The following PHAX variants were observed in gnomAD, a reference collection of about 807,000 sequenced individuals.
The protein encoded by PHAX is phosphorylated adapter RNA export protein.
A neutral mutation model predicts 41.6 loss-of-function variants in PHAX; 31 were observed. The observed-to-expected ratio is 0.75, with a 90% CI of 0.56 to 1.01. PHAX has a LOEUF of 1.01. Ranked by LOEUF, PHAX falls within the 50% of genes least tolerant of loss-of-function variation. The pLI is 0.00. For synonymous variants in PHAX, 175 were observed against 164.9 expected, an observed-to-expected ratio of 1.06 and a Z score of -0.47; for missense variants, 453 against 472.9, an observed-to-expected ratio of 0.96 and a Z score of 0.39.
intron 3 of PHAX, among the ~76,000 whole-genome samples, chr5:126,609,004 C>G (rs1554102806): frequency 6.8e-6 from 1 of 146,568 alleles, no homozygotes. Context: ...ACTTCCCTGA[C>G]AAAAAAACAA....
chr5:126,610,862 C>G (rs1172331161), intron 3 of PHAX, among the ~76,000 whole-genome samples: 1 of 151,862 alleles, frequency 6.6e-6, no homozygotes, highest in East Asian at 1.9e-4. Flanking sequence ...CGTGCCACCG[C>G]GCTTGGCTAA....
chr5:126,619,468 C>T (rs9327412), intron 4 of PHAX, among the ~76,000 whole-genome samples: 39,766 of 151,386 alleles, frequency 0.26, 6,493 homozygotes, highest in African/African-American at 0.45. Context: ...CCCTGCTACT[C>T]GGGAGGCTGA....
At position 126,603,800 on chromosome 5, in the gene PHAX, T is replaced by G. The variant is rs1478542213; in HGVS notation, c.327T>G (p.Ala109=). The G allele has an allele frequency of 6.2e-7, 1 of 1,614,126 alleles. No individual in the cohort carries two copies. The highest frequency in any genetic ancestry group is 1.7e-5 in the Admixed American group (1 of 60,000). ...AGAGCAGTCAGAAACCACCTGTTGCTGGAGGAAAGAAGATTAACAACATAT... is the reference window on the plus strand; with the variant it reads ...AGAGCAGTCAGAAACCACCTGTTGCGGGAGGAAAGAAGATTAACAACATAT... ...FGQSSQKPPV[A]GGKKINNIWG... Residue 109 remains alanine, a synonymous_variant, in exon 2 of 5, where the codon GCT becomes GCG. Transcript: ENST00000297540.
Position 126,604,152 on chromosome 5 carries a change from C to G in PHAX, c.679C>G (p.Gln227Glu). ...GRYEITAEDSQEKVADEISFR... is the reference protein window; with the variant it reads ...GRYEITAEDSEEKVADEISFR... The stretch of plus-strand genomic sequence containing the variant: ...ATACGAGATCACAGCGGAAGATTCT[C>G]AAGAGAAAGTGGCTGATGAAATTTC... Residue 227 changes from glutamine (Q) to glutamate (E), a missense_variant, in exon 2 of 5, where the codon CAA becomes GAA. Gln to Glu is a conservative substitution (Grantham distance 29). Transcript: ENST00000297540. 2 of 1,541,418 alleles carry G rather than the reference C, an allele frequency of 1.3e-6. No homozygotes were observed. The highest frequency in any genetic ancestry group is 2.5e-5 in the South Asian group (2 of 78,610).
At chr5:126,620,492 C>T (rs921829927) in intron 4 of PHAX, among the ~76,000 whole-genome samples, 9 of 152,124 alleles carry the variant, frequency 5.9e-5, no homozygotes, top group African/African-American at 2.2e-4. Context: ...GTGAATGTTA[C>T]AAATGGAGAA....
intron 4 of PHAX, among the ~76,000 whole-genome samples, chr5:126,623,670 T>C (rs1472038459): frequency 6.6e-6 from 1 of 152,198 alleles, no homozygotes; most frequent in Non-Finnish European, 1.5e-5. Flanking sequence ...TCAAAGATCT[T>C]TACACCTTCC....
intron 3 of PHAX, among the ~76,000 whole-genome samples, chr5:126,616,638 G>A (rs1752187873): frequency 6.6e-6 from 1 of 152,090 alleles, no homozygotes; most frequent in African/African-American, 2.4e-5. Context: ...CTAGCACTTT[G>A]TGAGGCTGAG....
At chr5:126,610,180 T>C (rs1312403375) in intron 3 of PHAX, among the ~76,000 whole-genome samples, 2 of 152,156 alleles carry the variant, frequency 1.3e-5, no homozygotes, top group Non-Finnish European at 2.9e-5. Context: ...AGAGCAATAA[T>C]GGGAGAAAAG....
intron 2 of PHAX, 24 bp downstream of exon 2, chr5:126,604,207 G>A (rs1008917939): frequency 6.0e-6 from 9 of 1,490,584 alleles, no homozygotes; most frequent in South Asian, 2.8e-5. Context: ...TTACAAATAA[G>A]TACTTGACCA....
chr5:126,624,023 T>G (rs1337699671), intron 4 of PHAX, among the ~76,000 whole-genome samples: 1 of 150,840 alleles, frequency 6.6e-6, no homozygotes, highest in Non-Finnish European at 1.5e-5. Context: ...TTTTTTTTTT[T>G]TTTGAGACAC....
At chr5:126,617,562 T>G (rs1339823560) in intron 4 of PHAX, among the ~76,000 whole-genome samples, 1 of 152,154 alleles carries the variant, frequency 6.6e-6, no homozygotes, top group Non-Finnish European at 1.5e-5. Context: ...CACTGCAACC[T>G]CCGCCTCCCG....
Position 126,603,602 on chromosome 5 carries a change from C to G in PHAX, c.129C>G (p.Ala43=). ...TAGGTGGCGACAGTGCTATGAGGGC[C>G]TTCCAGAACACGGCAACTGCATGTG... is the stretch of plus-strand genomic sequence containing the variant. ...KVLGGDSAMR[A]FQNTATACAP... Residue 43 remains alanine, a synonymous_variant, in exon 2 of 5, where the codon GCC becomes GCG. Coordinates refer to ENST00000297540, the MANE Select transcript of PHAX (RefSeq NM_032177.4). 1 of 1,613,716 alleles carries G rather than the reference C, an allele frequency of 6.2e-7. No individual in the cohort carries two copies.
intron 3 of PHAX, among the ~76,000 whole-genome samples, chr5:126,612,466 G>A (rs374254996): frequency 2.0e-5 from 3 of 152,132 alleles, no homozygotes; most frequent in Admixed American, 6.6e-5. Flanking sequence ...TTGGGAGACC[G>A]AGGTGGGCGG....
chr5:126,614,416 G>A, intron 3 of PHAX, among the ~76,000 whole-genome samples: 1 of 151,992 alleles, frequency 6.6e-6, no homozygotes, highest in East Asian at 1.9e-4. Flanking sequence ...CCGGCCACAA[G>A]TGTGTATATG....
rs936824578 is a variant in PHAX, at chr5:126,626,015, G to A, written c.*1171G>A. ...CAGCCTTATTCTGCTTAAATTTAAC[G>A]TGTTTTTTGACTTCTTAATTAACTT... On this transcript the variant is annotated 3_prime_UTR_variant, in exon 5 of 5. Transcript: ENST00000297540. The A allele has an allele frequency of 1.3e-5, 2 of 152,102 alleles. No homozygotes were observed. Among genetic ancestry groups the A allele is most frequent in the Non-Finnish European group, 2.9e-5 (2 of 68,034 alleles). The allele number at this position is 152,102 out of a possible 1,614,324, so 9.4% of individuals were successfully genotyped here. A position where few individuals can be genotyped will look rare whatever the true frequency, so the allele number is the denominator to read the frequency against.
At chr5:126,609,095 A>ATTTTTTTGTTTTTTTTT (rs1752037767) in intron 3 of PHAX, among the ~76,000 whole-genome samples, 1 of 101,256 alleles carries the variant, frequency 9.9e-6, no homozygotes, top group African/African-American at 4.8e-5. Flanking sequence ...TAGGGGTTGA[A>ATTTTTTTGTTTTTTTTT]TTTTTTTTTT....
At chr5:126,617,160 C>T (rs1017696353) in intron 3 of PHAX, 90 bp from the exon 4 acceptor site, 4 of 681,356 alleles carry the variant, frequency 5.9e-6, no homozygotes, top group Middle Eastern at 2.6e-4. Flanking sequence ...GGTATTTCTT[C>T]TATCCCCTTA....
intron 4 of PHAX, among the ~76,000 whole-genome samples, chr5:126,619,480 G>A (rs1011072715): frequency 6.6e-5 from 10 of 151,698 alleles, no homozygotes; most frequent in East Asian, 3.9e-4. Flanking sequence ...GGAGGCTGAC[G>A]TAGGAGAATC....
chr5:126,614,366 T>G (rs1368725354), intron 3 of PHAX, among the ~76,000 whole-genome samples: 1 of 152,110 alleles, frequency 6.6e-6, no homozygotes, highest in Non-Finnish European at 1.5e-5. Flanking sequence ...CCCAAAGTGT[T>G]GGGTATAATA....
Sources: gnomAD v4.1 joint callset for allele counts (sites outside exome capture counted in the v4.1 genomes callset) on GRCh38, gnomAD v4.1.1 for gene constraint, MANE v1.5 for transcripts, NCBI Gene and HGNC (gene_info 2026-07-23, HGNC 2026-07-21) for gene names.